Variants in ZNF512 observed in about 807,000 individuals in gnomAD.
ZNF512 encodes the protein zinc finger protein 512.
ZNF512 carries 25 observed loss-of-function variants against 77.5 expected under a neutral mutation model. The observed-to-expected ratio is 0.32, with a 90% CI of 0.23 to 0.45. The LOEUF (loss-of-function observed/expected upper bound fraction) is 0.45. Ranked by LOEUF, ZNF512 falls within the 20% of genes least tolerant of loss-of-function variation. ZNF512 has a pLI of 1.00. For synonymous variants in ZNF512, 246 were observed against 239.9 expected, an observed-to-expected ratio of 1.03 and a Z score of -0.24; for missense variants, 483 against 692.6, an observed-to-expected ratio of 0.70 and a Z score of 3.40.
At position 27,599,675 on chromosome 2, in the gene ZNF512, T is replaced by C; in HGVS notation, c.370T>C (p.Tyr124His). The C allele has an allele frequency of 6.2e-7, 1 of 1,613,492 alleles. No individual in the cohort carries two copies. Among genetic ancestry groups the C allele is most frequent in the Non-Finnish European group, 8.5e-7 (1 of 1,179,418 alleles). Residue 124 changes from tyrosine (Y) to histidine (H), a missense_variant, in exon 4 of 14, where the codon TAT (tyrosine) becomes CAT (histidine). This residue lies in a region of ZNF512 where 159 missense variants were observed against 167.5 expected (regional missense o/e 0.95). Transcript: ENST00000355467. ...ATTTCCTCAGAAGAAGCATAAGCTTTATGGTAAGGCAGTAACTTTGCTACT... is the reference window on the plus strand; with the variant it reads ...ATTTCCTCAGAAGAAGCATAAGCTTCATGGTAAGGCAGTAACTTTGCTACT... Reference protein sequence around the residue: ...REFPQKKHKLYGRKQRPKTQP... With the variant: ...REFPQKKHKLHGRKQRPKTQP...
intron 10 of ZNF512, 57 bp downstream of exon 10, chr2:27,608,096 G>A: frequency 6.9e-7 from 1 of 1,458,486 alleles, no homozygotes; most frequent in East Asian, 2.4e-5. Context: ...TGTGCCTACT[G>A]TACACAGAGA....
chr2:27,601,742 G>C (rs1280809131), intron 7 of ZNF512, among the ~76,000 whole-genome samples: 1 of 152,150 alleles, frequency 6.6e-6, no homozygotes, highest in African/African-American at 2.4e-5. Flanking sequence ...TCCGCCTCCT[G>C]GGTTCAAGCG....
intron 5 of ZNF512, 68 bp downstream of exon 5, chr2:27,600,121 G>T: frequency 1.3e-6 from 2 of 1,527,042 alleles, no homozygotes; most frequent in Non-Finnish European, 1.8e-6. Context: ...GGTGTTGTCT[G>T]TGAAGGAATG....
At chr2:27,601,083 T>A (rs1315446097) in intron 6 of ZNF512, among the ~76,000 whole-genome samples, 1 of 152,182 alleles carries the variant, frequency 6.6e-6, no homozygotes, top group African/African-American at 2.4e-5. Context: ...CCTTATGTAG[T>A]CCATGAGAGG....
At position 27,593,247 on chromosome 2, in the gene ZNF512, A is replaced by ACACAC. The variant is rs1558465774; in HGVS notation, c.90-4820_90-4819insCACAC. Among the ~76,000 whole-genome samples, 366 of 137,428 alleles carry ACACAC rather than the reference A, an allele frequency of 2.7e-3. 4 individuals carry two copies. Among genetic ancestry groups the ACACAC allele is most frequent in the African/African-American group, 9.0e-3 (314 of 34,902 alleles). 90.2% of individuals were successfully genotyped at this position (137,428 alleles called of 152,430 possible). A position where few individuals can be genotyped will look rare whatever the true frequency, so the allele number is the denominator to read the frequency against. ...ACACACACACACACACACACACACA[A>ACACAC]AAGAATGAGCTGGGTACCGTGGCAC... On this transcript the variant is annotated intron_variant, in intron 2 of 13. Coordinates refer to ENST00000355467, the MANE Select transcript of ZNF512 (RefSeq NM_032434.4).
At chr2:27,586,801 A>G (rs1572901932) in intron 2 of ZNF512, among the ~76,000 whole-genome samples, 1 of 152,176 alleles carries the variant, frequency 6.6e-6, no homozygotes, top group East Asian at 1.9e-4. Context: ...ACCACTGTAC[A>G]GTGGTTTGCA....
chr2:27,610,359 G>A (rs1363733628), intron 10 of ZNF512, among the ~76,000 whole-genome samples: 12 of 137,488 alleles, frequency 8.7e-5, no homozygotes, highest in African/African-American at 2.4e-4. Flanking sequence ...GCAAGACTCC[G>A]TATCAAAAAA....
intron 9 of ZNF512, among the ~76,000 whole-genome samples, chr2:27,606,336 C>A (rs1278677088): frequency 6.6e-6 from 1 of 150,794 alleles, no homozygotes; most frequent in Non-Finnish European, 1.5e-5. Flanking sequence ...TCTAAGAAAT[C>A]TTTGCTTAAC....
intron 10 of ZNF512, among the ~76,000 whole-genome samples, chr2:27,614,449 T>C (rs1381245035): frequency 6.6e-6 from 1 of 152,190 alleles, no homozygotes; most frequent in Admixed American, 6.5e-5. Flanking sequence ...TTTTTTTGTT[T>C]TAGAATTTTA....
chr2:27,607,233 G>A (rs1465697061), intron 9 of ZNF512, among the ~76,000 whole-genome samples: 2 of 152,046 alleles, frequency 1.3e-5, no homozygotes, highest in East Asian at 1.9e-4. Flanking sequence ...CTCCCTTGCT[G>A]TCTTCTAGAA....
chr2:27,588,319 G>C (rs183002496), intron 2 of ZNF512, among the ~76,000 whole-genome samples: 63 of 151,958 alleles, frequency 4.1e-4, no homozygotes, highest in African/African-American at 1.3e-3. Flanking sequence ...GCGAGATTCC[G>C]TCTTAAGAAA....
intron 2 of ZNF512, among the ~76,000 whole-genome samples, chr2:27,590,004 G>A (rs1407611865): frequency 6.6e-6 from 1 of 152,174 alleles, no homozygotes; most frequent in Admixed American, 6.5e-5. Flanking sequence ...TGCATAATGT[G>A]CACTTGAAAA....
At chr2:27,616,109 C>A in intron 11 of ZNF512, among the ~76,000 whole-genome samples, 153 bp from the exon 12 acceptor site, 1 of 152,128 alleles carries the variant, frequency 6.6e-6, no homozygotes, top group Middle Eastern at 3.2e-3. Context: ...CCTTCTTTTG[C>A]GGCTTGCATG....
rs1440202748 is a variant in ZNF512 at position 27,603,318 on chromosome 2, A to G, written c.936+11A>G. 3 of 1,613,040 alleles carry G rather than the reference A, an allele frequency of 1.9e-6. No homozygotes were observed. Among genetic ancestry groups the G allele is most frequent in the Admixed American group, 1.7e-5 (1 of 59,942 alleles). On this transcript the variant is annotated intron_variant, in intron 9 of 13. Transcript: ENST00000355467. ...TCAGAGCATGGGCCTGTGAGTACTGATTCCTTTCTATACCCTGCGTGGGGA... is the reference window on the plus strand; with the variant it reads ...TCAGAGCATGGGCCTGTGAGTACTGGTTCCTTTCTATACCCTGCGTGGGGA...
chr2:27,607,265 C>T (rs1227918014), intron 9 of ZNF512, among the ~76,000 whole-genome samples: 2 of 151,964 alleles, frequency 1.3e-5, no homozygotes, highest in East Asian at 1.9e-4. Context: ...TTATGTTTTA[C>T]ATTTAGGGCT....
chr2:27,591,585 A>T (rs1169783145), intron 2 of ZNF512, among the ~76,000 whole-genome samples: 1 of 151,966 alleles, frequency 6.6e-6, no homozygotes, highest in Non-Finnish European at 1.5e-5. Context: ...CAGCTTTTGT[A>T]TTTTTAGTAG....
At chr2:27,592,997 T>C (rs1222357775) in intron 2 of ZNF512, among the ~76,000 whole-genome samples, 1 of 151,862 alleles carries the variant, frequency 6.6e-6, no homozygotes, top group Non-Finnish European at 1.5e-5. Flanking sequence ...TACATTTATA[T>C]TCTTTTTCTT....
At chr2:27,619,360 G>A (rs968788223) in intron 13 of ZNF512, among the ~76,000 whole-genome samples, 4 of 151,776 alleles carry the variant, frequency 2.6e-5, no homozygotes, top group Admixed American at 6.6e-5. Context: ...CCGAGATTGC[G>A]CCACTGCACT....
chr2:27,598,057 G>C lies in ZNF512; in HGVS notation c.90-10G>C. On this transcript the variant is annotated splice_polypyrimidine_tract_variant and intron_variant, in intron 2 of 13. Coordinates refer to ENST00000355467, the MANE Select transcript of ZNF512 (RefSeq NM_032434.4). ...CTTCCTTTGTGGTATATATTTTTATGTTGTATTAGTAGCAGGACCCAGTGC... is the reference window on the plus strand; with the variant it reads ...CTTCCTTTGTGGTATATATTTTTATCTTGTATTAGTAGCAGGACCCAGTGC... The C allele has an allele frequency of 6.6e-7, 1 of 1,513,748 alleles. No homozygotes were observed. Among genetic ancestry groups the C allele is most frequent in the Non-Finnish European group, 9.0e-7 (1 of 1,115,916 alleles). The allele number at this position is 1,513,748 out of a possible 1,614,324, so 93.8% of individuals were successfully genotyped here.
Sources: allele counts gnomAD v4.1 joint callset (sites outside exome capture counted in the v4.1 genomes callset), GRCh38; gene constraint gnomAD v4.1.1; regional missense constraint gnomAD v4.1.1; transcripts MANE v1.5; gene names NCBI Gene and HGNC (gene_info 2026-07-23, HGNC 2026-07-21).